Variants in KDM5B observed in about 807,000 individuals in gnomAD.
KDM5B encodes lysine-specific demethylase 5B.
KDM5B carries 144 observed loss-of-function variants against 193.4 expected under a neutral mutation model. The ratio of observed to expected loss-of-function variants is 0.74; its 90% CI spans 0.65 to 0.86. The LOEUF (loss-of-function observed/expected upper bound fraction) is 0.86. Ranked by LOEUF, KDM5B falls within the 40% of genes least tolerant of loss-of-function variation. The probability of loss-of-function intolerance (pLI) is 0.00; values close to 1 mark genes in which losing one functional copy is unlikely to be tolerated. For synonymous variants in KDM5B, 668 were observed against 682.6 expected, an observed-to-expected ratio of 0.98 and a Z score of 0.33; for missense variants, 1,833 against 1,886.9, an observed-to-expected ratio of 0.97 and a Z score of 0.53.
intron 18 of KDM5B, 150 bp from the exon 19 acceptor site, chr1:202,741,872 C>T (rs1655357233): frequency 3.3e-6 from 2 of 598,640 alleles, no homozygotes; most frequent in African/African-American, 3.7e-5. Context: ...AGCCAACTAA[C>T]AGCAAATACT....
chr1:202,762,994 C>A (rs1195472861), intron 6 of KDM5B, among the ~76,000 whole-genome samples, 186 bp from the exon 7 acceptor site: 1 of 152,202 alleles, frequency 6.6e-6, no homozygotes, highest in Non-Finnish European at 1.5e-5. Flanking sequence ...AAAATGCAAA[C>A]TCTTGTGCCA....
intron 3 of KDM5B, among the ~76,000 whole-genome samples, chr1:202,773,761 G>A (rs1425633203): frequency 6.7e-6 from 1 of 148,956 alleles, no homozygotes; most frequent in Non-Finnish European, 1.5e-5. Flanking sequence ...TTCTGAGATG[G>A]AGTTTCTCTC....
chr1:202,775,872 AAAAAAAAATATAT>A (rs1422088182), intron 2 of KDM5B, among the ~76,000 whole-genome samples: 1 of 127,524 alleles, frequency 7.8e-6, no homozygotes, highest in African/African-American at 2.9e-5. Context: ...AAAAAAAAAA[AAAAAAAAATATAT>A]ATATATATAT....
chr1:202,764,138 T>C lies in KDM5B; in HGVS notation c.719A>G (p.Asn240Ser), dbSNP rs2102278374. The change falls in exon 6 of 27, where the codon AAT becomes AGT. Residue 240 changes from asparagine (N) to serine (S), a missense_variant. Asn to Ser is a conservative substitution (Grantham distance 46, BLOSUM62 1). Around this residue, in one of 3 missense-constraint regions of KDM5B, gnomAD observed 355 missense variants for 374.9 expected, o/e 0.95. Coordinates refer to ENST00000367265, the MANE Select transcript of KDM5B (RefSeq NM_006618.5). ...TGTCTCCTCGGGTTCTATTTTAATATTCATGGCCTTAAAAAAATTGTCATA... is the reference window on the plus strand; with the variant it reads ...TGTCTCCTCGGGTTCTATTTTAATACTCATGGCCTTAAAAAAATTGTCATA... ...RAKRMRAEAM[N>S]IKIEPEETTE... The C allele has an allele frequency of 6.6e-7, 1 of 1,515,328 alleles. No individual in the cohort carries two copies. Among genetic ancestry groups the C allele is most frequent in the Non-Finnish European group, 8.9e-7 (1 of 1,121,792 alleles). The allele number at this position is 1,515,328 out of a possible 1,614,324, so 93.9% of individuals were successfully genotyped here.
intron 1 of KDM5B, among the ~76,000 whole-genome samples, chr1:202,783,897 G>C (rs1558512055): frequency 6.6e-6 from 1 of 151,970 alleles, no homozygotes; most frequent in Non-Finnish European, 1.5e-5. Context: ...AAAAGAAGTT[G>C]AATTAGTTTC....
At chr1:202,740,918 A>AT (rs1302059586) in intron 19 of KDM5B, 106 bp from the exon 20 acceptor site, 8 of 1,172,256 alleles carry the variant, frequency 6.8e-6, no homozygotes, top group Non-Finnish European at 9.6e-6. Flanking sequence ...ATGGCAAATA[A>AT]TTTTTTTCAA....
chr1:202,766,800 T>A, intron 5 of KDM5B, 126 bp downstream of exon 5: 1 of 1,031,900 alleles, frequency 9.7e-7, no homozygotes, highest in Non-Finnish European at 1.4e-6. Context: ...ACAAACAGCA[T>A]CCCTTTGTGA....
rs1255818538 is a variant in KDM5B, at chr1:202,728,492, A to G, written c.*544T>C. ...AACATAGAAGTTATTGCTCAGATAA[A>G]TAAACCTAGTCTACCAGGAAGAAGA... is the stretch of plus-strand genomic sequence containing the variant. On this transcript the variant is annotated 3_prime_UTR_variant, in exon 27 of 27. Coordinates refer to ENST00000367265, the MANE Select transcript of KDM5B (RefSeq NM_006618.5). The G allele has an allele frequency of 6.5e-6, 1 of 153,340 alleles. No homozygotes were observed. The highest frequency in any genetic ancestry group is 1.5e-5 in the Non-Finnish European group (1 of 68,546). 9.5% of individuals were successfully genotyped at this position (153,340 alleles called of 1,614,324 possible).
chr1:202,739,218 C>A (rs903692210), intron 20 of KDM5B, among the ~76,000 whole-genome samples: 4 of 152,210 alleles, frequency 2.6e-5, no homozygotes, highest in Admixed American at 6.5e-5. Context: ...TTGCTTCAAT[C>A]TGCAGTCAAG....
intron 11 of KDM5B, 65 bp from the exon 12 acceptor site, chr1:202,753,132 T>A (rs978367630): frequency 7.9e-6 from 11 of 1,388,694 alleles, no homozygotes; most frequent in Non-Finnish European, 1.1e-5. Flanking sequence ...GGTTACCAGT[T>A]CATATTTTTC....
At position 202,733,614 on chromosome 1, in the gene KDM5B, A is replaced by G. The variant is rs775772299; in HGVS notation, c.3696T>C (p.Ile1232=). The change falls in exon 23 of 27, where the codon ATT becomes ATC. Residue 1232 remains isoleucine (I), a synonymous_variant. Transcript: ENST00000367265. ...GCTGAAGGGAGGCGAGCAGGGGCAG[A>G]ATTTTCTCTAATGGAGGTTTCTCTG... ...RRSEKPPLEK[I]LPLLASLQRI... The G allele has an allele frequency of 1.2e-6, 2 of 1,614,016 alleles. No homozygotes were observed. Among genetic ancestry groups the G allele is most frequent in the Non-Finnish European group, 1.7e-6 (2 of 1,180,030 alleles).
At chr1:202,772,860 C>T (rs1572750970) in intron 4 of KDM5B, among the ~76,000 whole-genome samples, 1 of 151,930 alleles carries the variant, frequency 6.6e-6, no homozygotes, top group Non-Finnish European at 1.5e-5. Context: ...CCATGCCCAG[C>T]AAATTTTTGT....
At chr1:202,741,885 G>A (rs540851107) in intron 18 of KDM5B, among the ~76,000 whole-genome samples, 163 bp from the exon 19 acceptor site, 1 of 151,914 alleles carries the variant, frequency 6.6e-6, no homozygotes, top group African/African-American at 2.4e-5. Flanking sequence ...CAAATACTAA[G>A]TGACTATAAC....
At chr1:202,805,978 T>C (rs1658276553) in intron 1 of KDM5B, among the ~76,000 whole-genome samples, 2 of 152,234 alleles carry the variant, frequency 1.3e-5, no homozygotes, top group African/African-American at 2.4e-5. Flanking sequence ...CTTTAACCCC[T>C]TTCCTCAGGC....
intron 7 of KDM5B, among the ~76,000 whole-genome samples, chr1:202,760,931 G>A (rs1572736465): frequency 6.6e-6 from 1 of 151,914 alleles, no homozygotes; most frequent in African/African-American, 2.4e-5. Context: ...GGGGAATTGA[G>A]ACAGGAGGAT....
Position 202,749,042 on chromosome 1 carries a change from G to A in KDM5B, c.1919C>T (p.Ala640Val), listed in dbSNP as rs1655684538. Residue 640 changes from alanine to valine, a missense_variant, in exon 14 of 27, where the codon GCT becomes GTT. Ala to Val is a moderately conservative substitution (Grantham distance 64). Coordinates refer to ENST00000367265, the MANE Select transcript of KDM5B (RefSeq NM_006618.5). The part of the protein sequence containing the change: ...DEMICKMASK[A>V]DVLDVVVAST... ...AGCCACTACAACATCTAATACATCA[G>A]CCTTGGAAGCCATCTTGCAGATCAT... 1 of 1,613,984 alleles carries A rather than the reference G, an allele frequency of 6.2e-7. No homozygotes were observed. The highest frequency in any genetic ancestry group is 1.3e-5 in the African/African-American group (1 of 74,998).
chr1:202,766,931 C>T lies in KDM5B; in HGVS notation c.706G>A (p.Ala236Thr). The T allele has an allele frequency of 1.3e-6, 2 of 1,578,384 alleles. No homozygotes were observed. The highest frequency in any genetic ancestry group is 2.4e-5 in the South Asian group (2 of 84,432). ...PPARRAKRMR[A>T]EAMNIKIEPE... Reference sequence around the variant, plus strand: ...TAACCTCATGAGGCTCTTACCTCTGCTCTCATGCGTTTTGCTCGTCGGGCT... The same window carrying T: ...TAACCTCATGAGGCTCTTACCTCTGTTCTCATGCGTTTTGCTCGTCGGGCT... The change falls in exon 5 of 27, where the codon GCA (alanine) becomes ACA (threonine). Residue 236 changes from alanine to threonine, a missense_variant. Ala to Thr is a moderately conservative substitution (Grantham distance 58, BLOSUM62 0). Coordinates refer to ENST00000367265, the MANE Select transcript of KDM5B (RefSeq NM_006618.5).
At chr1:202,791,129 T>C (rs1160812579) in intron 1 of KDM5B, among the ~76,000 whole-genome samples, 1 of 152,216 alleles carries the variant, frequency 6.6e-6, no homozygotes, top group Non-Finnish European at 1.5e-5. Context: ...GACTATGCTG[T>C]GTGACTGTAG....
intron 1 of KDM5B, among the ~76,000 whole-genome samples, chr1:202,793,958 TG>T (rs1039601355): frequency 2.0e-5 from 3 of 152,198 alleles, no homozygotes; most frequent in African/African-American, 7.2e-5. Context: ...AGCCTCCCAC[TG>T]GAAAATTTGG....
Sources: gnomAD v4.1 joint callset for allele counts (sites outside exome capture counted in the v4.1 genomes callset) on GRCh38, gnomAD v4.1.1 for gene constraint, gnomAD v4.1.1 regional missense constraint, MANE v1.5 for transcripts, NCBI Gene and HGNC (gene_info 2026-07-23, HGNC 2026-07-21) for gene names.